EPB41L4B: variants seen among roughly 807,000 people sequenced by gnomAD.
The protein encoded by EPB41L4B is band 4.1-like protein 4B.
Under a neutral mutation model 112.5 loss-of-function variants are expected in EPB41L4B, and 30 were observed. The ratio of observed to expected loss-of-function variants is 0.27; its 90% CI spans 0.20 to 0.36. The LOEUF (loss-of-function observed/expected upper bound fraction) is 0.36, where lower values mean the gene tolerates loss of function less well. EPB41L4B is among the 10% of genes least tolerant of loss of function. EPB41L4B has a pLI of 1.00. For synonymous variants in EPB41L4B, 408 were observed against 439.7 expected (o/e 0.93, Z 0.90); for missense variants, 1,024 against 1,133.3 (o/e 0.90, Z 1.38).
At chr9:109,268,845 C>G (rs915331025) in intron 2 of EPB41L4B, among the ~76,000 whole-genome samples, 1 of 137,070 alleles carries the variant, frequency 7.3e-6, no homozygotes, top group Non-Finnish European at 1.5e-5. Context: ...TGCAGTGAGT[C>G]GAGATCGCGC....
intron 14 of EPB41L4B, among the ~76,000 whole-genome samples, chr9:109,247,241 A>T (rs1003339678): frequency 3.3e-5 from 5 of 151,948 alleles, no homozygotes; most frequent in African/African-American, 1.2e-4. Context: ...TGGGGAAACA[A>T]TACATTTAAA....
intron 1 of EPB41L4B, among the ~76,000 whole-genome samples, chr9:109,309,167 A>T (rs753444134): frequency 1.3e-5 from 2 of 152,212 alleles, no homozygotes; most frequent in Admixed American, 1.3e-4. Context: ...CCACAAACTG[A>T]TAAGTACGGA....
chr9:109,295,352 T>C (rs1299849613), intron 1 of EPB41L4B, among the ~76,000 whole-genome samples: 1 of 152,190 alleles, frequency 6.6e-6, no homozygotes, highest in Non-Finnish European at 1.5e-5. Context: ...TGCTGAGGGA[T>C]ACAGGATTGA....
chr9:109,299,849 T>C lies in EPB41L4B; in HGVS notation c.307-19928A>G, dbSNP rs958161422. On this transcript the variant is annotated intron_variant, in intron 1 of 25. Transcript: ENST00000374566. ...GCTGAAGTTCATACACATGGAATCA[T>C]ATAGCATGCCTCTTTTACAGCTGTG... 1.3e-4 allele frequency among the ~76,000 whole-genome samples: 20 copies of C among 152,228 alleles called. 1 individual carries two copies. Among genetic ancestry groups the C allele is most frequent in the Non-Finnish European group, 2.1e-4 (14 of 68,036 alleles).
chr9:109,276,764 G>A (rs1285339216), intron 2 of EPB41L4B, among the ~76,000 whole-genome samples: 4 of 152,352 alleles, frequency 2.6e-5, no homozygotes, highest in South Asian at 4.1e-4. Flanking sequence ...CACAGACTTG[G>A]CTTTCTGGGA....
intron 20 of EPB41L4B, 67 bp downstream of exon 20, chr9:109,200,169 G>A: frequency 7.4e-7 from 1 of 1,354,224 alleles, no homozygotes; most frequent in South Asian, 1.2e-5. Context: ...GGGCTAAGAA[G>A]CATTTGTATC....
At chr9:109,213,609 C>A in intron 17 of EPB41L4B, 91 bp downstream of exon 17, 2 of 1,015,574 alleles carry the variant, frequency 2.0e-6, no homozygotes, top group South Asian at 2.7e-5. Context: ...AAGGCAAAGG[C>A]ACTTGGTTTA....
rs146485129 is a variant in EPB41L4B at position 109,220,792 on chromosome 9, CGTGT to C, written c.1410-3651_1410-3648del. Among the ~76,000 whole-genome samples, 264 of 151,768 alleles carry C rather than the reference CGTGT, an allele frequency of 1.7e-3. 7 individuals carry two copies. The highest frequency in any genetic ancestry group is 0.017 in the South Asian group (80 of 4,806). The stretch of plus-strand genomic sequence containing the variant: ...GTGTGTGTGAGCATATGTGTGTGTG[CGTGT>C]GTGTGTGTAAGAATGTGGAAGAAGG... On this transcript the variant is annotated intron_variant, in intron 15 of 25. Coordinates refer to ENST00000374566, the MANE Select transcript of EPB41L4B (RefSeq NM_019114.5).
intron 17 of EPB41L4B, among the ~76,000 whole-genome samples, chr9:109,209,359 TA>T (rs548489096): frequency 1.1e-3 from 153 of 143,596 alleles, no homozygotes; most frequent in Admixed American, 1.3e-3. Flanking sequence ...CTTGGACCAT[TA>T]AAAAAAAAAA....
intron 15 of EPB41L4B, among the ~76,000 whole-genome samples, chr9:109,227,355 T>C (rs1348259458): frequency 6.6e-6 from 1 of 152,124 alleles, no homozygotes; most frequent in East Asian, 1.9e-4. Context: ...TCAAGTTACT[T>C]CCAAAAAATC....
At chr9:109,305,879 G>A (rs1009822636) in intron 1 of EPB41L4B, among the ~76,000 whole-genome samples, 24 of 152,254 alleles carry the variant, frequency 1.6e-4, no homozygotes, top group Middle Eastern at 3.4e-3. Context: ...AGTCGAGATC[G>A]CGCCACTGCA....
chr9:109,266,281 TGGGA>T (rs1835397451), intron 4 of EPB41L4B, among the ~76,000 whole-genome samples: 1 of 151,734 alleles, frequency 6.6e-6, no homozygotes. Flanking sequence ...GAGGCTGAGG[TGGGA>T]GGATCACTTG....
chr9:109,192,338 T>A lies in EPB41L4B; in HGVS notation c.2241A>T (p.Gly747=). 1 of 1,612,010 alleles carries A rather than the reference T, an allele frequency of 6.2e-7. No homozygotes were observed. The highest frequency in any genetic ancestry group is 8.5e-7 in the Non-Finnish European group (1 of 1,178,982). ...CACCCGGCTCCAGGGTAAAGGCACC[T>A]CCTCGGTCAGAGGGGCTCTAGGGAG... ...SPGAKSPSDR[G]GAFTLEPGDL... Residue 747 remains glycine (G), a synonymous_variant, in exon 22 of 26, where the codon GGA becomes GGT. Coordinates refer to ENST00000374566, the MANE Select transcript of EPB41L4B (RefSeq NM_019114.5).
intron 1 of EPB41L4B, among the ~76,000 whole-genome samples, chr9:109,280,734 C>T (rs1836002445): frequency 6.6e-6 from 1 of 151,872 alleles, no homozygotes; most frequent in Non-Finnish European, 1.5e-5. Context: ...ACACGCTTCT[C>T]AGATAAAACG....
At chr9:109,311,785 C>T (rs1432320539) in intron 1 of EPB41L4B, among the ~76,000 whole-genome samples, 1 of 152,140 alleles carries the variant, frequency 6.6e-6, no homozygotes, top group Non-Finnish European at 1.5e-5. Flanking sequence ...GGGAAGAGCA[C>T]TGGAAAATGA....
intron 1 of EPB41L4B, among the ~76,000 whole-genome samples, chr9:109,287,011 A>G (rs984211181): frequency 6.6e-6 from 1 of 152,168 alleles, no homozygotes; most frequent in African/African-American, 2.4e-5. Flanking sequence ...AAAGACCAAC[A>G]ACTGGTGTTT....
intron 15 of EPB41L4B, among the ~76,000 whole-genome samples, chr9:109,239,295 A>G (rs1230808830): frequency 2.6e-5 from 4 of 152,186 alleles, no homozygotes; most frequent in Non-Finnish European, 5.9e-5. Flanking sequence ...ACTGTGGGTA[A>G]AAAAGGGAAT....
At position 109,207,938 on chromosome 9, in the gene EPB41L4B, G is replaced by A; in HGVS notation, c.1864C>T (p.Arg622Ter). The A allele has an allele frequency of 3.7e-6, 6 of 1,614,032 alleles. No individual in the cohort carries two copies. Among genetic ancestry groups the A allele is most frequent in the Non-Finnish European group, 5.1e-6 (6 of 1,180,000 alleles). Residue 622 changes from arginine (R) to a stop codon, truncating the protein, a stop_gained, in exon 18 of 26, where the codon CGA becomes TGA. Coordinates refer to ENST00000374566, the MANE Select transcript of EPB41L4B (RefSeq NM_019114.5). LOFTEE classifies it high-confidence loss of function. ...ATTCTGCGCACCTGGATGTTCACTCGGGAAGCATTTTCCAACTGGGCTTTC... is the reference window on the plus strand; with the variant it reads ...ATTCTGCGCACCTGGATGTTCACTCAGGAAGCATTTTCCAACTGGGCTTTC... ...ILKAQLENAS[R>*]VNIQGGKEES...
intron 2 of EPB41L4B, among the ~76,000 whole-genome samples, chr9:109,273,752 T>C (rs1219885463): frequency 2.0e-5 from 3 of 152,180 alleles, no homozygotes; most frequent in Admixed American, 6.5e-5. Flanking sequence ...GCACTGTCTA[T>C]GGAAACTGCA....
Sources: allele counts gnomAD v4.1 joint callset (sites outside exome capture counted in the v4.1 genomes callset), GRCh38; gene constraint gnomAD v4.1.1; transcripts MANE v1.5; gene names NCBI Gene and HGNC (gene_info 2026-07-23, HGNC 2026-07-21).